Variants in SNX32 observed in about 807,000 individuals in gnomAD.
The protein encoded by SNX32 is sorting nexin 32, also known as sorting nexin-32.
Under a neutral mutation model 57.0 loss-of-function variants are expected in SNX32, and 58 were observed. That is an observed-to-expected ratio of 1.02 (90% CI 0.82 to 1.27). SNX32 has a LOEUF of 1.27. Among genes scored for constraint, SNX32 ranks in the 50% most tolerant of loss-of-function variants. The pLI, the probability that SNX32 is intolerant of heterozygous loss-of-function variation, is 0.00. For missense variants in SNX32, 589 were observed against 541.2 expected (o/e 1.09, Z -0.88); for synonymous variants, 262 against 220.4 (o/e 1.19, Z -1.67).
intron 1 of SNX32, among the ~76,000 whole-genome samples, chr11:65,835,198 A>C (rs1858633990): frequency 6.6e-6 from 1 of 151,370 alleles, no homozygotes; most frequent in African/African-American, 2.4e-5. Context: ...CCTCTGTGGC[A>C]CCTGTGTGCG....
rs747306445 is a variant in SNX32, at chr11:65,852,697, C to T, written c.980C>T (p.Ala327Val). ...AATGCCAACAAGGCGCTGGACAAGGCGCGCACCAGGAACCGGGAGGTGCGG... is the reference window on the plus strand; with the variant it reads ...AATGCCAACAAGGCGCTGGACAAGGTGCGCACCAGGAACCGGGAGGTGCGG... ...YENANKALDK[A>V]RTRNREVRPA... Residue 327 changes from alanine (A) to valine (V), a missense_variant, in exon 11 of 13, where the codon GCG becomes GTG. By Grantham distance (64) the Ala-to-Val change is moderately conservative (BLOSUM62 0). Transcript: ENST00000308342. 3.6e-5 allele frequency: 57 copies of T among 1,596,934 alleles called. No homozygotes were observed. Among genetic ancestry groups the T allele is most frequent in the Middle Eastern group, 1.7e-4 (1 of 6,042 alleles).
chr11:65,852,579 AG>A (rs770359143), intron 10 of SNX32, 28 bp downstream of exon 10: 1 of 1,614,012 alleles, frequency 6.2e-7, no homozygotes, highest in South Asian at 1.1e-5. Flanking sequence ...CGCAGCGCTC[AG>A]GCCCGGATGC....
intron 1 of SNX32, chr11:65,835,569 T>C (rs983209767): frequency 1.3e-5 from 2 of 152,216 alleles, no homozygotes; most frequent in African/African-American, 4.8e-5. Flanking sequence ...GTGCACCCTT[T>C]TGGGAGATGG....
Position 65,834,214 on chromosome 11 carries a change from G to T in SNX32, c.36+113G>T. On this transcript the variant is annotated intron_variant, in intron 1 of 12. Transcript: ENST00000308342. ...CTGTGTGTGTGTGGTCTGCCTCTGT[G>T]TGTTTCTGTGTGTGTCTGTGTGTGT... 9.8e-6 allele frequency: 10 copies of T among 1,023,030 alleles called. No individual in the cohort carries two copies. In the South Asian group the frequency reaches 1.4e-4, roughly 14 times the overall value. The allele number at this position is 1,023,030 out of a possible 1,614,324, so 63.4% of individuals were successfully genotyped here.
Position 65,853,610 on chromosome 11 carries a change from C to G in SNX32, c.*275C>G, listed in dbSNP as rs1859302933. On this transcript the variant is annotated 3_prime_UTR_variant, in exon 13 of 13. Coordinates refer to ENST00000308342, the MANE Select transcript of SNX32 (RefSeq NM_152760.3). ...CTCTCCCCAGGAAGCTGAGGAACAG[C>G]CTCTACCCTCACCCATAGCCCTGAA... 1.8e-6 allele frequency: 1 copy of G among 548,218 alleles called. No homozygotes were observed. The highest frequency in any genetic ancestry group is 3.2e-5 in the Admixed American group (1 of 31,698). The allele number at this position is 548,218 out of a possible 1,614,324, so 34.0% of individuals were successfully genotyped here. A position where few individuals can be genotyped will look rare whatever the true frequency, so the allele number is the denominator to read the frequency against.
At position 65,849,588 on chromosome 11, in the gene SNX32, G is replaced by A. The variant is rs376598334; in HGVS notation, c.141+6G>A. 6.2e-7 allele frequency: 1 copy of A among 1,613,056 alleles called. No homozygotes were observed. Among genetic ancestry groups the A allele is most frequent in the Non-Finnish European group, 8.5e-7 (1 of 1,179,112 alleles). On this transcript the variant is annotated splice_donor_region_variant and intron_variant, in intron 2 of 12. Transcript: ENST00000308342. ...AATTCACTGTTCAAACAAAGGTGAG[G>A]CAGTGCGGGGCACGAGGAAAGGTCC...
At chr11:65,845,135 T>TAAC (rs1858954312) in intron 1 of SNX32, among the ~76,000 whole-genome samples, 2 of 101,966 alleles carry the variant, frequency 2.0e-5, no homozygotes, top group Non-Finnish European at 3.9e-5. Context: ...CCCCCTGCTT[T>TAAC]AAAAAAAAAA....
At chr11:65,850,301 CCA>C (rs1371408350) in intron 4 of SNX32, 30 bp downstream of exon 4, 2 of 1,614,068 alleles carry the variant, frequency 1.2e-6, no homozygotes, top group Middle Eastern at 1.6e-4. Context: ...CCTGCCATCC[CCA>C]GAGTCCAGAT....
At chr11:65,834,930 CTG>C (rs1026252116) in intron 1 of SNX32, among the ~76,000 whole-genome samples, 2 of 148,498 alleles carry the variant, frequency 1.3e-5, no homozygotes, top group Non-Finnish European at 3.0e-5. Context: ...GTCAGTGTGT[CTG>C]TGTGTGCATC....
At chr11:65,834,724 CTGAG>C (rs1347060399) in intron 1 of SNX32, among the ~76,000 whole-genome samples, 1 of 145,198 alleles carries the variant, frequency 6.9e-6, no homozygotes, top group Non-Finnish European at 1.5e-5. Context: ...CTCTTTGTGT[CTGAG>C]TGTGTGTCTG....
intron 8 of SNX32, 75 bp downstream of exon 8, chr11:65,851,478 GAT>G: frequency 6.4e-7 from 1 of 1,557,146 alleles, no homozygotes; most frequent in Non-Finnish European, 8.8e-7. Flanking sequence ...TCACTCTGTA[GAT>G]GTCTACTGTC....
Position 65,853,383 on chromosome 11 carries a change from G to C in SNX32, c.*48G>C. ...CCTAATCTGGGATCTCCAGTGACCAGGGTATCCCAGACCCCTCTCTCCGGC... is the reference window on the plus strand; with the variant it reads ...CCTAATCTGGGATCTCCAGTGACCACGGTATCCCAGACCCCTCTCTCCGGC... On this transcript the variant is annotated 3_prime_UTR_variant, in exon 13 of 13. Transcript: ENST00000308342. 1 of 1,590,220 alleles carries C rather than the reference G, an allele frequency of 6.3e-7. No homozygotes were observed. Among genetic ancestry groups the C allele is most frequent in the Non-Finnish European group, 8.6e-7 (1 of 1,158,892 alleles).
In SNX32 at chr11:65,850,015, G is replaced by C; in HGVS notation, c.237G>C (p.Glu79Asp). Residue 79 changes from glutamate to aspartate, a missense_variant, in exon 3 of 13, where the codon GAG becomes GAC. Glu to Asp is a conservative substitution (Grantham distance 45). Coordinates refer to ENST00000308342, the MANE Select transcript of SNX32 (RefSeq NM_152760.3). ...ATGATGCCTACGTGGAGAATGAGGA[G>C]TACGCCGGCCTCATCGTGAGGAGGG... is the stretch of plus-strand genomic sequence containing the variant. ...WLHDAYVENEEYAGLIIPPAP... is the reference protein window; with the variant it reads ...WLHDAYVENEDYAGLIIPPAP... The C allele has an allele frequency of 6.2e-7, 1 of 1,614,104 alleles. No homozygotes were observed. Among genetic ancestry groups the C allele is most frequent in the Non-Finnish European group, 8.5e-7 (1 of 1,179,924 alleles).
chr11:65,839,247 T>TTTTTTTTTTTTTTTTTTGTGG (rs71036248), intron 1 of SNX32, among the ~76,000 whole-genome samples: 1 of 88,028 alleles, frequency 1.1e-5, no homozygotes, highest in South Asian at 4.7e-4. Flanking sequence ...TTTTTTTTTT[T>TTTTTTTTTTTTTTTTTTGTGG]GAGACGGAGT....
Position 65,853,082 on chromosome 11 carries a change from TGA to T in SNX32, c.1158+128_1158+129del, listed in dbSNP as rs1316619284. ...ACGCATGTATGCGCGTGTGTGTGCA[TGA>T]GAGGAGCCCCAGCTAAGGCTTGGGG... On this transcript the variant is annotated intron_variant, in intron 12 of 12. Transcript: ENST00000308342. 4.0e-4 allele frequency: 517 copies of T among 1,280,662 alleles called. 3 individuals are homozygous for T. The highest frequency in any genetic ancestry group is 2.8e-4 in the South Asian group (23 of 81,110). The allele number at this position is 1,280,662 out of a possible 1,614,324, so 79.3% of individuals were successfully genotyped here.
At position 65,852,955 on chromosome 11, in the gene SNX32, C is replaced by A. The variant is rs1243057745; in HGVS notation, c.1155C>A (p.Ala385=). Reference sequence around the variant, plus strand: ...TGGCAGAGCTGGAGCTCAAACACGCCAAGGTGAGCCCTCCCACCTCACTGG... The same window carrying A: ...TGGCAGAGCTGGAGCTCAAACACGCAAAGGTGAGCCCTCCCACCTCACTGG... ...IELAELELKH[A]KASTLILRNT... The change falls in exon 12 of 13, where the codon GCC becomes GCA. Residue 385 remains alanine, a synonymous_variant. Coordinates refer to ENST00000308342, the MANE Select transcript of SNX32 (RefSeq NM_152760.3). 1 of 1,614,108 alleles carries A rather than the reference C, an allele frequency of 6.2e-7. No individual in the cohort carries two copies. The highest frequency in any genetic ancestry group is 1.3e-5 in the African/African-American group (1 of 75,044).
At chr11:65,841,665 C>T (rs1858845560) in intron 1 of SNX32, among the ~76,000 whole-genome samples, 1 of 151,908 alleles carries the variant, frequency 6.6e-6, no homozygotes, top group African/African-American at 2.4e-5. Context: ...ACCCAGGAGG[C>T]AGAGATTGCA....
chr11:65,849,357 TG>T (rs1381258065), intron 1 of SNX32, 120 bp from the exon 2 acceptor site: 5 of 730,280 alleles, frequency 6.8e-6, no homozygotes, highest in South Asian at 1.7e-5. Flanking sequence ...TCTGGTGACC[TG>T]GGGCATTGCT....
intron 1 of SNX32, among the ~76,000 whole-genome samples, chr11:65,834,830 GTGTC>G (rs1267311804): frequency 1.4e-5 from 2 of 147,762 alleles, no homozygotes. Context: ...CTGTGTGTGT[GTGTC>G]TGTGTATTTC....
Sources: allele counts gnomAD v4.1 joint callset (sites outside exome capture counted in the v4.1 genomes callset), GRCh38; gene constraint gnomAD v4.1.1; transcripts MANE v1.5; gene names NCBI Gene and HGNC (gene_info 2026-07-23, HGNC 2026-07-21).